The following TRIM65 variants were observed in gnomAD, a reference collection of about 807,000 sequenced individuals.
The protein encoded by TRIM65 is tripartite motif containing 65.
In TRIM65, 46 loss-of-function variants were observed where a neutral mutation model predicts 36.1. The observed-to-expected ratio is 1.27, with a 90% CI of 1.01 to 1.63. TRIM65 has a LOEUF of 1.63. Among genes scored for constraint, TRIM65 ranks in the 40% most tolerant of loss-of-function variants. The probability of loss-of-function intolerance (pLI) is 0.00; values close to 1 mark genes in which losing one functional copy is unlikely to be tolerated. For missense variants in TRIM65, 708 were observed against 696.6 expected (o/e 1.02, Z -0.18); for synonymous variants, 346 against 313.6 (o/e 1.10, Z -1.09).
chr17:75,881,569 T>A (rs2065169791), intron 4 of TRIM65, among the ~76,000 whole-genome samples: 1 of 150,574 alleles, frequency 6.6e-6, no homozygotes, highest in Non-Finnish European at 1.5e-5. Flanking sequence ...AGGGCACTCA[T>A]GCCATGAATG....
At chr17:75,881,890 A>G (rs1411305258) in intron 4 of TRIM65, among the ~76,000 whole-genome samples, 1 of 150,198 alleles carries the variant, frequency 6.7e-6, no homozygotes, top group African/African-American at 2.5e-5. Context: ...AGGGTGGGTA[A>G]TGAGTTCCAT....
At chr17:75,894,745 G>A (rs1258693988) in intron 1 of TRIM65, among the ~76,000 whole-genome samples, 2 of 152,200 alleles carry the variant, frequency 1.3e-5, no homozygotes, top group Admixed American at 6.5e-5. Context: ...TAGCCAGGAT[G>A]GTCTCAATCT....
chr17:75,885,781 T>C (rs1037247735), downstream of TRIM65, among the ~76,000 whole-genome samples: 1 of 152,218 alleles, frequency 6.6e-6, no homozygotes, highest in Non-Finnish European at 1.5e-5. Context: ...AATCCTAGGA[T>C]GGAAATCCAG....
chr17:75,896,656 G>C lies in TRIM65; in HGVS notation c.282C>G (p.Arg94=). 2.4e-6 allele frequency: 3 copies of C among 1,243,238 alleles called. No individual in the cohort carries two copies. The highest frequency in any genetic ancestry group is 3.0e-6 in the Non-Finnish European group (3 of 997,874). The allele number at this position is 1,243,238 out of a possible 1,614,324, so 77.0% of individuals were successfully genotyped here. Residue 94 remains arginine, a synonymous_variant, in exon 1 of 6, where the codon CGC becomes CGG. Coordinates refer to ENST00000269383, the MANE Select transcript of TRIM65 (RefSeq NM_173547.4). ...DPGPGPDPAA[R]CPRHGRPLEL... ...CCAGCGGCCGCCCGTGGCGGGGGCA[G>C]CGCGCGGCAGGGTCGGGGCCGGGGC...
At chr17:75,885,676 CT>C (rs113697929), downstream of TRIM65, among the ~76,000 whole-genome samples, 3,980 of 152,318 alleles carry the variant, frequency 0.026, 161 homozygotes, top group African/African-American at 0.089. Context: ...TTTGAAAAGT[CT>C]GCCCTCTGGG....
At chr17:75,884,381 C>T (rs111343860), downstream of TRIM65, among the ~76,000 whole-genome samples, 3,981 of 152,202 alleles carry the variant, frequency 0.026, 163 homozygotes, top group African/African-American at 0.089. Context: ...ATCGCTTGAA[C>T]CCAGGAGGCA....
At chr17:75,887,894 G>C (rs1261932358), downstream of TRIM65, among the ~76,000 whole-genome samples, 1 of 152,114 alleles carries the variant, frequency 6.6e-6, no homozygotes, top group Non-Finnish European at 1.5e-5. Context: ...GGTGGCTCAC[G>C]CCTGTAATCC....
Position 75,896,951 on chromosome 17 carries a change from C to G in TRIM65, c.-14G>C. 6 of 1,483,522 alleles carry G rather than the reference C, an allele frequency of 4.0e-6. No homozygotes were observed. The highest frequency in any genetic ancestry group is 5.3e-6 in the Non-Finnish European group (6 of 1,122,376). The allele number at this position is 1,483,522 out of a possible 1,614,324, so 91.9% of individuals were successfully genotyped here. On this transcript the variant is annotated 5_prime_UTR_variant, in exon 1 of 6. Coordinates refer to ENST00000269383, the MANE Select transcript of TRIM65 (RefSeq NM_173547.4). ...CTGCGCGGCCATGGCCCGGCGGCGG[C>G]GAGAGCCAGGCGGGCCCCGGGCGTC... is the stretch of plus-strand genomic sequence containing the variant.
intron 1 of TRIM65, among the ~76,000 whole-genome samples, chr17:75,893,211 G>C (rs540943830): frequency 2.6e-5 from 4 of 152,336 alleles, no homozygotes; most frequent in Non-Finnish European, 5.9e-5. Context: ...AAGCGATAAT[G>C]CTGGCTCAGG....
downstream of TRIM65, among the ~76,000 whole-genome samples, chr17:75,888,164 TATAAATAAATAA>T (rs61543613): frequency 5.3e-3 from 732 of 137,058 alleles, 4 homozygotes; most frequent in South Asian, 8.3e-3. Flanking sequence ...TCAAAAAATA[TATAAATAAATAA>T]ATAAATAAAT....
At chr17:75,893,943 A>G (rs9902734) in intron 1 of TRIM65, among the ~76,000 whole-genome samples, 149,056 of 152,248 alleles carry the variant, frequency 0.98, 72,980 homozygotes, top group East Asian at 1. Flanking sequence ...GCACCCGCCC[A>G]TGAGCAGTAC....
At chr17:75,885,745 C>T (rs2065202339), downstream of TRIM65, among the ~76,000 whole-genome samples, 1 of 152,208 alleles carries the variant, frequency 6.6e-6, no homozygotes, top group Non-Finnish European at 1.5e-5. Flanking sequence ...GGCTTCATCC[C>T]TGACTGACAG....
At chr17:75,886,759 G>T (rs1233695305), downstream of TRIM65, among the ~76,000 whole-genome samples, 1 of 151,968 alleles carries the variant, frequency 6.6e-6, no homozygotes, top group African/African-American at 2.4e-5. Context: ...TCTGTAAGGG[G>T]GTCTGGTGGG....
At chr17:75,887,646 C>CAAAAAAAAA (rs35086337), downstream of TRIM65, among the ~76,000 whole-genome samples, 1 of 90,672 alleles carries the variant, frequency 1.1e-5, no homozygotes, top group Non-Finnish European at 2.3e-5. Context: ...GACTCCGTCT[C>CAAAAAAAAA]AAAAAAAAAA....
intron 1 of TRIM65, 138 bp from the exon 2 acceptor site, chr17:75,892,988 G>C: frequency 1.4e-6 from 1 of 719,322 alleles, no homozygotes; most frequent in Non-Finnish European, 2.3e-6. Flanking sequence ...CCAGAGCACC[G>C]GCCTCGGTCT....
chr17:75,894,172 C>G (rs1352370737), intron 1 of TRIM65, among the ~76,000 whole-genome samples: 1 of 152,106 alleles, frequency 6.6e-6, no homozygotes, highest in Non-Finnish European at 1.5e-5. Flanking sequence ...GTCCTCCCAC[C>G]TCACCGACCC....
chr17:75,894,630 C>T (rs996946154), intron 1 of TRIM65, among the ~76,000 whole-genome samples: 15 of 152,342 alleles, frequency 9.8e-5, no homozygotes, highest in Non-Finnish European at 1.8e-4. Flanking sequence ...CCCGGGTTCA[C>T]GCCATTCTCC....
chr17:75,883,437 C>CT lies in TRIM65; in HGVS notation c.350-2809dup, dbSNP rs546238471. On this transcript the variant is annotated intron_variant, in intron 4 of 4. Coordinates refer to the TRIM65 transcript ENST00000591668. Reference sequence around the variant, plus strand: ...TAGCCTTCTTTATGCTTTTGATGTACTTTTTTGTTTTATTTTGTTTTTTGG... The same window carrying CT: ...TAGCCTTCTTTATGCTTTTGATGTACTTTTTTTGTTTTATTTTGTTTTTTGG... Among the ~76,000 whole-genome samples the CT allele has an allele frequency of 1.2e-3, 184 of 150,662 alleles. 2 individuals are homozygous for CT. Among genetic ancestry groups the CT allele is most frequent in the African/African-American group, 4.1e-3 (169 of 41,010 alleles).
intron 1 of TRIM65, among the ~76,000 whole-genome samples, chr17:75,893,163 T>C (rs1640954369): frequency 6.6e-6 from 1 of 152,198 alleles, no homozygotes; most frequent in African/African-American, 2.4e-5. Context: ...CAAGCACCTG[T>C]CCTCTCTGGG....
Sources: gnomAD v4.1 joint callset for allele counts (sites outside exome capture counted in the v4.1 genomes callset) on GRCh38, gnomAD v4.1.1 for gene constraint, MANE v1.5 for transcripts, NCBI Gene and HGNC (gene_info 2026-07-23, HGNC 2026-07-21) for gene names.